Variants in RNF113B observed in about 807,000 individuals in gnomAD.
RNF113B encodes the protein zinc finger protein 183-like 1.
A neutral mutation model predicts 22.2 loss-of-function variants in RNF113B; 12 were observed. The ratio of observed to expected loss-of-function variants is 0.54; its 90% CI spans 0.35 to 0.87. RNF113B has a LOEUF of 0.87. RNF113B is among the 40% of genes least tolerant of loss of function. RNF113B has a pLI of 0.01. For missense variants in RNF113B, 442 were observed against 455.4 expected, an observed-to-expected ratio of 0.97 and a Z score of 0.27; for synonymous variants, 194 against 184.6, an observed-to-expected ratio of 1.05 and a Z score of -0.41.
chr13:98,176,708 TG>T lies in RNF113B; in HGVS notation c.528del (p.Ile177TyrfsTer131). 2 of 1,614,184 alleles carry T rather than the reference TG, an allele frequency of 1.2e-6. No individual in the cohort carries two copies. The highest frequency in any genetic ancestry group is 8.5e-7 in the Non-Finnish European group (1 of 1,180,024). On this transcript the variant is annotated frameshift_variant, in exon 1 of 2. Coordinates refer to ENST00000267291, the MANE Select transcript of RNF113B (RefSeq NM_178861.5). LOFTEE classifies it high-confidence loss of function. The surrounding 1 kb of genome is among the most constrained non-coding windows in gnomAD (Gnocchi z 6.2). Reference protein sequence around the residue: ...NSSSGMARKGPIRAPGHLRAT... With the variant: ...NSSSGMARKGXIRAPGHLRAT... ...GCGCGCAGATGCCCTGGCGCACGTA[TG>T]GGGCCCTTCCTCGCCATCCCCGAGG...
Position 98,176,923 on chromosome 13 carries a change from G to A in RNF113B, c.314C>T (p.Pro105Leu), listed in dbSNP as rs138253916. 187 of 1,603,742 alleles carry A rather than the reference G, an allele frequency of 1.2e-4. 3 individuals are homozygous for A. The Middle Eastern group carries it at 5.3e-3, about 45-fold the overall frequency. Residue 105 changes from proline to leucine, a missense_variant, in exon 1 of 2, where the codon CCA becomes CTA. Physicochemically the swap from Pro to Leu is moderately conservative, Grantham distance 98. Coordinates refer to ENST00000267291, the MANE Select transcript of RNF113B (RefSeq NM_178861.5). This position sits in a 1 kb window ranked among gnomAD's most constrained non-coding sequence, Gnocchi z 6.2. ...GTCAGCGGTGGCCCCCATGTCCTCT[G>A]GCCCCACAGGCTTCGCCGAGCGGGT... Reference protein sequence around the residue: ...RSTRSAKPVGPEDMGATADFE... With the variant: ...RSTRSAKPVGLEDMGATADFE...
chr13:98,177,100 C>T lies in RNF113B; in HGVS notation c.137G>A (p.Ser46Asn). The change falls in exon 1 of 2, where the codon AGC becomes AAC. Residue 46 changes from serine (S) to asparagine (N), a missense_variant. Physicochemically the swap from Ser to Asn is conservative, Grantham distance 46 (BLOSUM62 1). Transcript: ENST00000267291. The part of the protein sequence containing the change: ...RPACDPEHGE[S>N]SSSGDEGDTV... ...GTCGCCCTCGTCCCCGCTGCTGCTGCTCTCTCCGTGCTCGGGGTCGCAGGC... is the reference window on the plus strand; with the variant it reads ...GTCGCCCTCGTCCCCGCTGCTGCTGTTCTCTCCGTGCTCGGGGTCGCAGGC... The T allele has an allele frequency of 6.2e-7, 1 of 1,600,418 alleles. No individual in the cohort carries two copies. Among genetic ancestry groups the T allele is most frequent in the Non-Finnish European group, 8.5e-7 (1 of 1,179,556 alleles).
chr13:98,177,151 C>G lies in RNF113B; in HGVS notation c.86G>C (p.Gly29Ala), dbSNP rs1878135278. Reference protein sequence around the residue: ...TFLFKKPGRKGAAGLRKRPAC... With the variant: ...TFLFKKPGRKAAAGLRKRPAC... ...CGGGCGCTTTCTGAGGCCTGCAGCC[C>G]CTTTCCGTCCAGGCTTTTTGAAGAG... Residue 29 changes from glycine (G) to alanine (A), a missense_variant, in exon 1 of 2, where the codon GGG becomes GCG. Coordinates refer to ENST00000267291, the MANE Select transcript of RNF113B (RefSeq NM_178861.5). 6.2e-7 allele frequency: 1 copy of G among 1,607,238 alleles called. No individual in the cohort carries two copies. The highest frequency in any genetic ancestry group is 8.5e-7 in the Non-Finnish European group (1 of 1,179,616).
rs115032993 is a variant in RNF113B, at chr13:98,176,436, G to A, written c.801C>T (p.Val267=). The change falls in exon 1 of 2, where the codon GTC becomes GTT. Residue 267 remains valine (V), a synonymous_variant. Coordinates refer to ENST00000267291, the MANE Select transcript of RNF113B (RefSeq NM_178861.5). This position sits in a 1 kb window ranked among gnomAD's most constrained non-coding sequence, Gnocchi z 6.2. ...FICRQAFQNP[V]VTKCRHYFCE... ...AGAAATAATGCCTGCACTTGGTGACGACTGGGTTTTGGAAGGCCTGGCGAC... is the reference window on the plus strand; with the variant it reads ...AGAAATAATGCCTGCACTTGGTGACAACTGGGTTTTGGAAGGCCTGGCGAC... 6 of 1,614,214 alleles carry A rather than the reference G, an allele frequency of 3.7e-6. No homozygotes were observed. Among genetic ancestry groups the A allele is most frequent in the East Asian group, 2.2e-5 (1 of 44,874 alleles).
Position 98,176,910 on chromosome 13 carries a change from C to T in RNF113B, c.327G>A (p.Gly109=). Residue 109 remains glycine (G), a synonymous_variant, in exon 1 of 2, where the codon GGG becomes GGA. Coordinates refer to ENST00000267291, the MANE Select transcript of RNF113B (RefSeq NM_178861.5). The surrounding 1 kb of genome is among the most constrained non-coding windows in gnomAD (Gnocchi z 6.2). ...TGTCCTGCTCGAAGTCAGCGGTGGC[C>T]CCCATGTCCTCTGGCCCCACAGGCT... ...SAKPVGPEDM[G]ATADFEQDTE... The T allele has an allele frequency of 2.5e-6, 4 of 1,605,492 alleles. No individual in the cohort carries two copies. The highest frequency in any genetic ancestry group is 3.4e-6 in the Non-Finnish European group (4 of 1,179,954).
chr13:98,177,161 C>G lies in RNF113B; in HGVS notation c.76G>C (p.Gly26Arg). The G allele has an allele frequency of 1.9e-6, 3 of 1,607,578 alleles. No homozygotes were observed. Among genetic ancestry groups the G allele is most frequent in the Non-Finnish European group, 2.5e-6 (3 of 1,179,306 alleles). ...CTGAGGCCTGCAGCCCCTTTCCGTC[C>G]AGGCTTTTTGAAGAGGAAGGTGCAT... ...QVCTFLFKKP[G>R]RKGAAGLRKR... Residue 26 changes from glycine to arginine, a missense_variant, in exon 1 of 2, where the codon GGA becomes CGA. Coordinates refer to ENST00000267291, the MANE Select transcript of RNF113B (RefSeq NM_178861.5).
rs34253287 is a variant in RNF113B at position 98,177,012 on chromosome 13, C to T, written c.225G>A (p.Ala75=). 4.5e-5 allele frequency: 72 copies of T among 1,596,636 alleles called. 1 individual carries two copies. The highest frequency in any genetic ancestry group is 8.0e-5 in the African/African-American group (6 of 74,804). Residue 75 remains alanine, a synonymous_variant, in exon 1 of 2, where the codon GCG becomes GCA. Transcript: ENST00000267291. ...RPRGLHSWQK[A]AHGDRRGEEA... ...CCTCGCCCCTCCTGTCGCCGTGAGC[C>T]GCCTTCTGCCAGCTGTGGAGGCCCC...
rs1337751828 is a variant in RNF113B, at chr13:98,176,756, C to T, written c.481G>A (p.Asp161Asn). The T allele has an allele frequency of 6.2e-7, 1 of 1,614,000 alleles. No individual in the cohort carries two copies. The highest frequency in any genetic ancestry group is 8.5e-7 in the Non-Finnish European group (1 of 1,180,020). ...HSYLRYLKPK[D>N]TSMGNSSSGM... The stretch of plus-strand genomic sequence containing the variant: ...GAGGAGGAGTTGCCCATGGACGTGT[C>T]CTTGGGCTTCAGGTACCTCAGGTAG... The change falls in exon 1 of 2, where the codon GAC (aspartate) becomes AAC (asparagine). Residue 161 changes from aspartate (D) to asparagine (N), a missense_variant. Transcript: ENST00000267291. The surrounding 1 kb of genome is among the most constrained non-coding windows in gnomAD (Gnocchi z 6.2).
Position 98,176,607 on chromosome 13 carries a change from GCTGT to G in RNF113B, c.626_629del (p.Asp209AlafsTer98). 1 of 1,614,232 alleles carries G rather than the reference GCTGT, an allele frequency of 6.2e-7. No individual in the cohort carries two copies. Among genetic ancestry groups the G allele is most frequent in the Admixed American group, 1.7e-5 (1 of 60,028 alleles). On this transcript the variant is annotated frameshift_variant, in exon 1 of 2. Coordinates refer to ENST00000267291, the MANE Select transcript of RNF113B (RefSeq NM_178861.5). LOFTEE classifies it high-confidence loss of function. This position sits in a 1 kb window ranked among gnomAD's most constrained non-coding sequence, Gnocchi z 6.2. ...CGGAACGGTCGTGGAGGAATTTGCAGCTGTCCCCGAAGCCACAGAAGCCAGTCTC... is the reference window on the plus strand; with the variant it reads ...CGGAACGGTCGTGGAGGAATTTGCAGCCCCGAAGCCACAGAAGCCAGTCTC...
rs1878021972 is a variant in RNF113B, at chr13:98,176,346, G to A, written c.891C>T (p.Thr297=). 4 of 1,613,900 alleles carry A rather than the reference G, an allele frequency of 2.5e-6. No individual in the cohort carries two copies. Among genetic ancestry groups the A allele is most frequent in the South Asian group, 1.1e-5 (1 of 91,086 alleles). Residue 297 remains threonine, a synonymous_variant, in exon 1 of 2, where the codon ACC becomes ACT. Coordinates refer to ENST00000267291, the MANE Select transcript of RNF113B (RefSeq NM_178861.5). The surrounding 1 kb of genome is among the most constrained non-coding windows in gnomAD (Gnocchi z 6.2). ...TPRCYICDQP[T]GGIFNPAKEL... ...CTTTGGCGGGGTTAAAGATGCCGCC[G>A]GTTGGCTGGTCACAGATGTAGCAGC...
chr13:98,177,217 G>T lies in RNF113B; in HGVS notation c.20C>A (p.Pro7Gln). Residue 7 changes from proline to glutamine, a missense_variant, in exon 1 of 2, where the codon CCA becomes CAA. Coordinates refer to ENST00000267291, the MANE Select transcript of RNF113B (RefSeq NM_178861.5). MAAPPS[P>Q]GRTADQADQV... Reference sequence around the variant, plus strand: ...GTCTGCTTGGTCGGCCGTCCTTCCTGGAGAAGGTGGCGCTGCCATGTTTGA... The same window carrying T: ...GTCTGCTTGGTCGGCCGTCCTTCCTTGAGAAGGTGGCGCTGCCATGTTTGA... 6.4e-7 allele frequency: 1 copy of T among 1,563,858 alleles called. No homozygotes were observed.
rs1298424664 is a variant in RNF113B, at chr13:98,176,609, T to G, written c.628A>C (p.Ser210Arg). Residue 210 changes from serine (S) to arginine (R), a missense_variant, in exon 1 of 2, where the codon AGC (serine) becomes CGC (arginine). By Grantham distance (110) the Ser-to-Arg change is moderately radical (BLOSUM62 -1). Coordinates refer to ENST00000267291, the MANE Select transcript of RNF113B (RefSeq NM_178861.5). This position sits in a 1 kb window ranked among gnomAD's most constrained non-coding sequence, Gnocchi z 6.2. ...KETGFCGFGD[S>R]CKFLHDRSDY... ...GAACGGTCGTGGAGGAATTTGCAGC[T>G]GTCCCCGAAGCCACAGAAGCCAGTC... 6.2e-7 allele frequency: 1 copy of G among 1,614,116 alleles called. No individual in the cohort carries two copies. The highest frequency in any genetic ancestry group is 8.5e-7 in the Non-Finnish European group (1 of 1,180,054).
In RNF113B at chr13:98,176,975, C is replaced by G; in HGVS notation, c.262G>C (p.Glu88Gln). 1.2e-6 allele frequency: 2 copies of G among 1,600,228 alleles called. No homozygotes were observed. Among genetic ancestry groups the G allele is most frequent in the Non-Finnish European group, 8.5e-7 (1 of 1,179,756 alleles). ...GDRRGEEAAPESLDVVYRSTR... is the reference protein window; with the variant it reads ...GDRRGEEAAPQSLDVVYRSTR... ...GACCTGTACACCACGTCGAGGCTCT[C>G]AGGCGCCGCCTCCTCGCCCCTCCTG... The change falls in exon 1 of 2, where the codon GAG becomes CAG. Residue 88 changes from glutamate to glutamine, a missense_variant. Coordinates refer to ENST00000267291, the MANE Select transcript of RNF113B (RefSeq NM_178861.5). This position sits in a 1 kb window ranked among gnomAD's most constrained non-coding sequence, Gnocchi z 6.2.
At position 98,176,330 on chromosome 13, in the gene RNF113B, G is replaced by C; in HGVS notation, c.907C>G (p.Pro303Ala). ...CDQPTGGIFN[P>A]AKELMAKLQK... ...AGTTTCGCCATCAGTTCTTTGGCGG[G>C]GTTAAAGATGCCGCCGGTTGGCTGG... The change falls in exon 1 of 2, where the codon CCC becomes GCC. Residue 303 changes from proline to alanine, a missense_variant. Coordinates refer to ENST00000267291, the MANE Select transcript of RNF113B (RefSeq NM_178861.5). This position sits in a 1 kb window ranked among gnomAD's most constrained non-coding sequence, Gnocchi z 6.2. 2 of 1,613,986 alleles carry C rather than the reference G, an allele frequency of 1.2e-6. No homozygotes were observed. Among genetic ancestry groups the C allele is most frequent in the Non-Finnish European group, 1.7e-6 (2 of 1,179,836 alleles).
chr13:98,175,941 T>G lies in RNF113B; in HGVS notation c.*222A>C, dbSNP rs1326740953. ...TCCATTGTGTGTGTGTATCGCATTTTGTTTGTCCATTCATCCATCCATGGA... is the reference window on the plus strand; with the variant it reads ...TCCATTGTGTGTGTGTATCGCATTTGGTTTGTCCATTCATCCATCCATGGA... On this transcript the variant is annotated 3_prime_UTR_variant, in exon 2 of 2. Transcript: ENST00000267291. 5.3e-6 allele frequency: 3 copies of G among 570,108 alleles called. No individual in the cohort carries two copies. Among genetic ancestry groups the G allele is most frequent in the Non-Finnish European group, 9.4e-6 (3 of 318,860 alleles). 35.3% of individuals were successfully genotyped at this position (570,108 alleles called of 1,614,324 possible).
At position 98,176,446 on chromosome 13, in the gene RNF113B, T is replaced by C; in HGVS notation, c.791A>G (p.Gln264Arg). The stretch of plus-strand genomic sequence containing the variant: ...CCTGCACTTGGTGACGACTGGGTTT[T>C]GGAAGGCCTGGCGACATATGAAACA... ...FRCFICRQAF[Q>R]NPVVTKCRHY... The change falls in exon 1 of 2, where the codon CAA (glutamine) becomes CGA (arginine). Residue 264 changes from glutamine to arginine, a missense_variant. Transcript: ENST00000267291. The surrounding 1 kb of genome is among the most constrained non-coding windows in gnomAD (Gnocchi z 6.2). The C allele has an allele frequency of 1.2e-6, 2 of 1,614,240 alleles. No homozygotes were observed. The highest frequency in any genetic ancestry group is 1.7e-6 in the Non-Finnish European group (2 of 1,180,036).
chr13:98,176,098 G>A lies in RNF113B; in HGVS notation c.*65C>T. On this transcript the variant is annotated 3_prime_UTR_variant, in exon 2 of 2. Coordinates refer to ENST00000267291, the MANE Select transcript of RNF113B (RefSeq NM_178861.5). The surrounding 1 kb of genome is among the most constrained non-coding windows in gnomAD (Gnocchi z 6.2). ...TCAGGCATGGGATTGCAGGAAGACT[G>A]TCATCTCTCTCATCTTACTCAACAG... 7.2e-7 allele frequency: 1 copy of A among 1,380,954 alleles called. No homozygotes were observed. Among genetic ancestry groups the A allele is most frequent in the Non-Finnish European group, 1.0e-6 (1 of 978,310 alleles). 85.5% of individuals were successfully genotyped at this position (1,380,954 alleles called of 1,614,324 possible). A position where few individuals can be genotyped will look rare whatever the true frequency, so the allele number is the denominator to read the frequency against.
Position 98,175,844 on chromosome 13 carries a change from T to C in RNF113B, c.*319A>G, listed in dbSNP as rs1877972692. 3.2e-6 allele frequency: 1 copy of C among 316,466 alleles called. No homozygotes were observed. Among genetic ancestry groups the C allele is most frequent in the Non-Finnish European group, 5.8e-6 (1 of 173,450 alleles). 19.6% of individuals were successfully genotyped at this position (316,466 alleles called of 1,614,324 possible). A position where few individuals can be genotyped will look rare whatever the true frequency, so the allele number is the denominator to read the frequency against. On this transcript the variant is annotated 3_prime_UTR_variant, in exon 2 of 2. Coordinates refer to ENST00000267291, the MANE Select transcript of RNF113B (RefSeq NM_178861.5). ...TCGTCTTCAAGGTTCATTCTAGTTG[T>C]AGCATGTGATCCTTAAAAGGATCAG...
At position 98,177,171 on chromosome 13, in the gene RNF113B, G is replaced by A. The variant is rs1255192278; in HGVS notation, c.66C>T (p.Phe22=). Residue 22 remains phenylalanine (F), a synonymous_variant, in exon 1 of 2, where the codon TTC becomes TTT. Transcript: ENST00000267291. ...DQADQVCTFL[F]KKPGRKGAAG... Reference sequence around the variant, plus strand: ...CAGCCCCTTTCCGTCCAGGCTTTTTGAAGAGGAAGGTGCATACCTGGTCTG... The same window carrying A: ...CAGCCCCTTTCCGTCCAGGCTTTTTAAAGAGGAAGGTGCATACCTGGTCTG... The A allele has an allele frequency of 6.2e-7, 1 of 1,607,326 alleles. No homozygotes were observed. Among genetic ancestry groups the A allele is most frequent in the Non-Finnish European group, 8.5e-7 (1 of 1,178,962 alleles).
Sources: gnomAD v4.1 joint callset for allele counts on GRCh38, gnomAD v4.1.1 for gene constraint, Gnocchi (gnomAD v3.1) non-coding constraint, MANE v1.5 for transcripts, NCBI Gene and HGNC (gene_info 2026-07-23, HGNC 2026-07-21) for gene names.